Variants in ATOH8 observed in about 807,000 individuals in gnomAD.
ATOH8 encodes the protein transcription factor ATOH8.
A neutral mutation model predicts 21.2 loss-of-function variants in ATOH8; 9 were observed. The observed-to-expected ratio is 0.42, with a 90% CI of 0.26 to 0.74. The LOEUF (loss-of-function observed/expected upper bound fraction) is 0.74, where lower values mean the gene tolerates loss of function less well. ATOH8 is among the 30% of genes least tolerant of loss of function. The pLI is 0.24. For missense variants in ATOH8, 524 were observed against 470.9 expected (o/e 1.11, Z -1.04); for synonymous variants, 253 against 224.0 (o/e 1.13, Z -1.16).
chr2:85,772,988 A>G (rs1680230484), intron 2 of ATOH8: 2 of 369,470 alleles, frequency 5.4e-6, no homozygotes, highest in African/African-American at 4.3e-5. Flanking sequence ...TTCCTAAGAA[A>G]ACAGCTGGAG....
At chr2:85,776,611 G>T (rs1680328574) in intron 2 of ATOH8, among the ~76,000 whole-genome samples, 1 of 152,226 alleles carries the variant, frequency 6.6e-6, no homozygotes, top group African/African-American at 2.4e-5. Flanking sequence ...CTGGGGTCCG[G>T]TGGAGGGCCT....
At chr2:85,776,150 C>T (rs1447185793) in intron 2 of ATOH8, among the ~76,000 whole-genome samples, 1 of 152,202 alleles carries the variant, frequency 6.6e-6, no homozygotes, top group African/African-American at 2.4e-5. Context: ...GAGGCGAAGT[C>T]GCCCAGGCTC....
At chr2:85,764,821 G>A (rs1260820085) in intron 2 of ATOH8, among the ~76,000 whole-genome samples, 1 of 152,176 alleles carries the variant, frequency 6.6e-6, no homozygotes, top group African/African-American at 2.4e-5. Context: ...AGGGGCAGTG[G>A]AAGGCCAGGT....
chr2:85,756,666 C>G (rs568250450), intron 1 of ATOH8, among the ~76,000 whole-genome samples: 1 of 152,122 alleles, frequency 6.6e-6, no homozygotes, highest in Non-Finnish European at 1.5e-5. Flanking sequence ...TAATCCCTGT[C>G]GAAATTGGAT....
chr2:85,768,592 C>T (rs187558686), intron 2 of ATOH8, among the ~76,000 whole-genome samples: 199 of 152,282 alleles, frequency 1.3e-3, no homozygotes, highest in African/African-American at 4.5e-3. Context: ...AGAGGCTGGG[C>T]GACCCTCCTT....
At chr2:85,774,937 C>G (rs946759777) in intron 2 of ATOH8, 2 of 975,032 alleles carry the variant, frequency 2.1e-6, no homozygotes, top group Non-Finnish European at 1.2e-6. Flanking sequence ...AAAGCCCTCC[C>G]TGACCCCAAC....
chr2:85,758,405 C>T (rs1402315834), intron 1 of ATOH8, among the ~76,000 whole-genome samples: 3 of 152,214 alleles, frequency 2.0e-5, no homozygotes, highest in Non-Finnish European at 4.4e-5. Flanking sequence ...CCTTGGCACG[C>T]AGTTTGCCAG....
At chr2:85,784,238 A>G (rs1680569326) in intron 2 of ATOH8, among the ~76,000 whole-genome samples, 1 of 152,154 alleles carries the variant, frequency 6.6e-6, no homozygotes, top group African/African-American at 2.4e-5. Flanking sequence ...ATGCAGTAGC[A>G]ATTACACGGT....
chr2:85,769,389 G>T (rs915693325), intron 2 of ATOH8, among the ~76,000 whole-genome samples: 5 of 152,200 alleles, frequency 3.3e-5, no homozygotes, highest in African/African-American at 4.8e-5. Flanking sequence ...AGACCCCCCC[G>T]GGTGGTGTGC....
At chr2:85,760,462 C>CT (rs1679837419) in intron 1 of ATOH8, among the ~76,000 whole-genome samples, 1 of 152,134 alleles carries the variant, frequency 6.6e-6, no homozygotes, top group Non-Finnish European at 1.5e-5. Flanking sequence ...GATGGGCTGC[C>CT]TACCTCCTCA....
At position 85,754,529 on chromosome 2, in the gene ATOH8, C is replaced by G; in HGVS notation, c.340C>G (p.Leu114Val). Reference protein sequence around the residue: ...VSDARKRCFALGAVGPGLPTP... With the variant: ...VSDARKRCFAVGAVGPGLPTP... ...CGACGCGCGGAAACGCTGCTTCGCCCTAGGCGCAGTGGGGCCAGGACTCCC... is the reference window on the plus strand; with the variant it reads ...CGACGCGCGGAAACGCTGCTTCGCCGTAGGCGCAGTGGGGCCAGGACTCCC... The change falls in exon 1 of 3, where the codon CTA becomes GTA. Residue 114 changes from leucine (L) to valine (V), a missense_variant. Leu to Val is a conservative substitution (Grantham distance 32). Coordinates refer to ENST00000306279, the MANE Select transcript of ATOH8 (RefSeq NM_032827.7). 7.0e-7 allele frequency: 1 copy of G among 1,431,162 alleles called. No homozygotes were observed. Among genetic ancestry groups the G allele is most frequent in the Non-Finnish European group, 9.1e-7 (1 of 1,103,898 alleles). The allele number at this position is 1,431,162 out of a possible 1,614,324, so 88.7% of individuals were successfully genotyped here.
chr2:85,768,373 G>T lies in ATOH8; in HGVS notation c.960+4191G>T, dbSNP rs115406841. On this transcript the variant is annotated intron_variant, in intron 2 of 2. Coordinates refer to ENST00000306279, the MANE Select transcript of ATOH8 (RefSeq NM_032827.7). The stretch of plus-strand genomic sequence containing the variant: ...GCAACTCAGTTGCATGTTAGCTGGG[G>T]TTTAAAGCCTTAGGGTAGAGGACTG... Among the ~76,000 whole-genome samples the T allele has an allele frequency of 5.5e-3, 843 of 152,300 alleles. 8 individuals carry two copies. Among genetic ancestry groups the T allele is most frequent in the African/African-American group, 0.019 (808 of 41,566 alleles).
Position 85,762,895 on chromosome 2 carries a change from C to A in ATOH8, c.769-1096C>A, listed in dbSNP as rs562299505. ...CCCTGTCCCTAGGGGACAAAATCAT[C>A]CCTGGTTGAGAATCACTGGCCTGAA... is the stretch of plus-strand genomic sequence containing the variant. On this transcript the variant is annotated intron_variant, in intron 1 of 2. Transcript: ENST00000306279. 5.4e-4 allele frequency among the ~76,000 whole-genome samples: 82 copies of A among 152,240 alleles called. 1 individual carries two copies. In the East Asian group the frequency reaches 0.015, roughly 27 times the overall value.
At chr2:85,775,801 A>G (rs1483676681) in intron 2 of ATOH8, among the ~76,000 whole-genome samples, 2 of 152,230 alleles carry the variant, frequency 1.3e-5, no homozygotes, top group Admixed American at 6.5e-5. Context: ...CAGAGAAAAC[A>G]GCCATGTGGC....
rs755913365 is a variant in ATOH8 at position 85,754,810 on chromosome 2, C to T, written c.621C>T (p.Ser207=). Residue 207 remains serine (S), a synonymous_variant, in exon 1 of 3, where the codon TCC becomes TCT. Coordinates refer to ENST00000306279, the MANE Select transcript of ATOH8 (RefSeq NM_032827.7). The part of the protein sequence containing the change: ...HVIYNNHQDS[S]ASPRKRPGEA... ...TTTACAATAACCACCAGGATTCCTC[C>T]GCGTCGCCTAGGAAACGACCGGGCG... 6.2e-7 allele frequency: 1 copy of T among 1,612,876 alleles called. No homozygotes were observed.
rs1346116727 is a variant in ATOH8, at chr2:85,791,145, C to A, written c.*4255C>A. ...GTCTCCCTTCTGGTGACCCGGACCCCAGACAAACTATGCCTGCCTCCCTGA... is the reference window on the plus strand; with the variant it reads ...GTCTCCCTTCTGGTGACCCGGACCCAAGACAAACTATGCCTGCCTCCCTGA... On this transcript the variant is annotated 3_prime_UTR_variant, in exon 3 of 3. Coordinates refer to ENST00000306279, the MANE Select transcript of ATOH8 (RefSeq NM_032827.7). Among the ~76,000 whole-genome samples the A allele has an allele frequency of 6.6e-6, 1 of 152,124 alleles. No individual in the cohort carries two copies. Among genetic ancestry groups the A allele is most frequent in the African/African-American group, 2.4e-5 (1 of 41,430 alleles).
chr2:85,772,593 A>G (rs1680216655), intron 2 of ATOH8: 1 of 416,002 alleles, frequency 2.4e-6, no homozygotes, highest in Admixed American at 3.0e-5. Flanking sequence ...TCCCCTGGCC[A>G]TCTGTTCCCA....
intron 2 of ATOH8, among the ~76,000 whole-genome samples, chr2:85,783,845 C>T (rs1389405682): frequency 6.8e-6 from 1 of 147,886 alleles, no homozygotes; most frequent in Non-Finnish European, 1.5e-5. Context: ...TGCACCCCCA[C>T]ATGCACCCCC....
Position 85,769,119 on chromosome 2 carries a change from A to AC in ATOH8, c.960+4942dup, listed in dbSNP as rs531250555. Among the ~76,000 whole-genome samples the AC allele has an allele frequency of 5.9e-5, 9 of 152,256 alleles. No homozygotes were observed. In the East Asian group the frequency reaches 1.5e-3, roughly 26 times the overall value. On this transcript the variant is annotated intron_variant, in intron 2 of 2. Coordinates refer to ENST00000306279, the MANE Select transcript of ATOH8 (RefSeq NM_032827.7). ...CTTCCACACCTGGGCTGGGTGGGCC[A>AC]CCCCCAGATCTATGGAATAGGAAAG...
Sources: allele counts gnomAD v4.1 joint callset (sites outside exome capture counted in the v4.1 genomes callset), GRCh38; gene constraint gnomAD v4.1.1; transcripts MANE v1.5; gene names NCBI Gene and HGNC (gene_info 2026-07-23, HGNC 2026-07-21).